C14orf132: variants seen among roughly 807,000 people sequenced by gnomAD.
The protein encoded by C14orf132 is chromosome 14 open reading frame 132.
In C14orf132, 6 loss-of-function variants were observed where a neutral mutation model predicts 5.8. That is an observed-to-expected ratio of 1.03 (90% CI 0.57 to 2.04). C14orf132 has a LOEUF of 2.04. Among genes scored for constraint, C14orf132 ranks in the 30% most tolerant of loss-of-function variants. C14orf132 has a pLI of 0.00. For synonymous variants in C14orf132, 51 were observed against 49.8 expected, an observed-to-expected ratio of 1.02 and a Z score of -0.10; for missense variants, 125 against 115.8, an observed-to-expected ratio of 1.08 and a Z score of -0.37.
At chr14:96,081,665 C>T (rs916902563) in intron 1 of C14orf132, among the ~76,000 whole-genome samples, 1 of 152,192 alleles carries the variant, frequency 6.6e-6, no homozygotes, top group Non-Finnish European at 1.5e-5. Context: ...GTGGTGCCAT[C>T]AGACCTCACT....
In C14orf132 at chr14:96,085,249, C is replaced by T. The variant is rs541062538; in HGVS notation, c.28-1262C>T. ...GCTCCACACAGAATACTGTCTCATGCGGTGCTCGGTAACTGTGCATCCGAT... is the reference window on the plus strand; with the variant it reads ...GCTCCACACAGAATACTGTCTCATGTGGTGCTCGGTAACTGTGCATCCGAT... On this transcript the variant is annotated intron_variant, in intron 1 of 1. Coordinates refer to ENST00000555004, the MANE Select transcript of C14orf132 (RefSeq NM_001252507.3). Among the ~76,000 whole-genome samples the T allele has an allele frequency of 4.6e-5, 7 of 152,346 alleles. No homozygotes were observed. In the South Asian group the frequency reaches 1.2e-3, roughly 27 times the overall value.
rs1595195671 is a variant in C14orf132 at position 96,087,344 on chromosome 14, G to A, written c.*609G>A. 1 of 152,314 alleles carries A rather than the reference G, an allele frequency of 6.6e-6. No individual in the cohort carries two copies. The highest frequency in any genetic ancestry group is 2.4e-5 in the African/African-American group (1 of 41,302). 9.4% of individuals were successfully genotyped at this position (152,314 alleles called of 1,614,324 possible). ...GATGGGGGGTTACTGGTAATAGGTG[G>A]GGTTTCTGGGGGTGTTGTTGGTGGT... On this transcript the variant is annotated 3_prime_UTR_variant, in exon 2 of 2. Transcript: ENST00000555004.
intron 1 of C14orf132, among the ~76,000 whole-genome samples, chr14:96,064,363 T>TACACACACACACAC (rs148402921): frequency 9.6e-5 from 13 of 135,854 alleles, no homozygotes; most frequent in East Asian, 2.1e-4. Flanking sequence ...GGTGCATATA[T>TACACACACACACAC]ACACACACAC....
In C14orf132 at chr14:96,049,593, TATATACGTATATATATAC is replaced by T. The variant is rs1240997527; in HGVS notation, c.27+10072_27+10089del. Reference sequence around the variant, plus strand: ...ATACATATATACGTATATATATACATATATACGTATATATATACATATATACGTATATATATACATATA... The same window carrying T: ...ATACATATATACGTATATATATACATATATATACGTATATATATACATATA... On this transcript the variant is annotated intron_variant, in intron 1 of 1. Transcript: ENST00000555004. Among the ~76,000 whole-genome samples the T allele has an allele frequency of 3.8e-5, 5 of 130,568 alleles. 1 individual carries two copies. Among genetic ancestry groups the T allele is most frequent in the African/African-American group, 1.1e-4 (4 of 35,590 alleles). 85.7% of individuals were successfully genotyped at this position (130,568 alleles called of 152,430 possible).
At chr14:96,043,423 C>T (rs1249427346) in intron 1 of C14orf132, among the ~76,000 whole-genome samples, 4 of 152,198 alleles carry the variant, frequency 2.6e-5, no homozygotes, top group Non-Finnish European at 5.9e-5. Flanking sequence ...TATGGCGTAA[C>T]TCTCCTGTTA....
Position 96,070,025 on chromosome 14 carries a change from G to C in C14orf132, c.28-16486G>C, listed in dbSNP as rs1368278612. ...TGCTTCCACTTAATATTCCACATCG[G>C]AGAGCCCTGCCCCAGGAAGAGGGGC... On this transcript the variant is annotated intron_variant, in intron 1 of 1. Coordinates refer to ENST00000555004, the MANE Select transcript of C14orf132 (RefSeq NM_001252507.3). Among the ~76,000 whole-genome samples, 5 of 152,272 alleles carry C rather than the reference G, an allele frequency of 3.3e-5. No homozygotes were observed. The East Asian group carries it at 9.7e-4, about 29-fold the overall frequency.
chr14:96,049,525 T>C (rs61982722), intron 1 of C14orf132, among the ~76,000 whole-genome samples: 7,058 of 138,396 alleles, frequency 0.051, 344 homozygotes, highest in East Asian at 0.13. Context: ...CGTATATATA[T>C]ACACATATAT....
At chr14:96,086,469 GC>G in intron 1 of C14orf132, 41 bp from the exon 2 acceptor site, 1 of 1,521,342 alleles carries the variant, frequency 6.6e-7, no homozygotes, top group South Asian at 1.2e-5. Context: ...ATCTGCCCAA[GC>G]CCCCATGGCC....
chr14:96,086,638 C>T lies in C14orf132; in HGVS notation c.155C>T (p.Pro52Leu), dbSNP rs770165918. Residue 52 changes from proline to leucine, a missense_variant, in exon 2 of 2, where the codon CCT becomes CTT. By Grantham distance (98) the Pro-to-Leu change is moderately conservative (BLOSUM62 -3). Transcript: ENST00000555004. ...GGCCAGGGCCAGCCGGAAGATCCTC[C>T]TCGGTCCTCCAACGACGCCGTCTTG... ...ANGQGQPEDP[P>L]RSSNDAVLLW... 1 of 1,536,162 alleles carries T rather than the reference C, an allele frequency of 6.5e-7. No homozygotes were observed. Among genetic ancestry groups the T allele is most frequent in the South Asian group, 1.2e-5 (1 of 84,062 alleles).
At chr14:96,076,616 GA>G (rs35206197) in intron 1 of C14orf132, among the ~76,000 whole-genome samples, 83,294 of 150,906 alleles carry the variant, frequency 0.55, 23,432 homozygotes, top group East Asian at 0.9. Context: ...TAGCTGATGA[GA>G]AAAAAAAAAT....
At chr14:96,083,424 C>G (rs1292311520) in intron 1 of C14orf132, among the ~76,000 whole-genome samples, 1 of 152,214 alleles carries the variant, frequency 6.6e-6, no homozygotes, top group Non-Finnish European at 1.5e-5. Context: ...GATGGATTAC[C>G]GTTCATGGCC....
chr14:96,083,260 A>G (rs1272052763), intron 1 of C14orf132, among the ~76,000 whole-genome samples: 5 of 152,156 alleles, frequency 3.3e-5, no homozygotes, highest in Non-Finnish European at 2.9e-5. Context: ...TGAGTAGACC[A>G]TATCCTTGCC....
chr14:96,056,663 C>A (rs1159169716), intron 1 of C14orf132, among the ~76,000 whole-genome samples: 1 of 152,056 alleles, frequency 6.6e-6, no homozygotes, highest in African/African-American at 2.4e-5. Flanking sequence ...GGAAATGGTG[C>A]CTATGATGAC....
chr14:96,054,450 C>T (rs565203161), intron 1 of C14orf132, among the ~76,000 whole-genome samples: 7 of 152,150 alleles, frequency 4.6e-5, no homozygotes, highest in South Asian at 4.1e-4. Context: ...CTTGAGTTCC[C>T]GGCCTGCCTC....
chr14:96,040,493 C>A (rs943121679), intron 1 of C14orf132: 17 of 388,786 alleles, frequency 4.4e-5, no homozygotes, highest in African/African-American at 2.7e-4. Context: ...GTGGCAGGGA[C>A]CCCATCTGCT....
intron 1 of C14orf132, among the ~76,000 whole-genome samples, chr14:96,078,241 C>T (rs903330674): frequency 6.6e-6 from 1 of 152,232 alleles, no homozygotes; most frequent in African/African-American, 2.4e-5. Context: ...GCAACCGTGG[C>T]AACACAGCTC....
rs1354703266 is a variant in C14orf132, at chr14:96,039,454, G to A, written c.-47G>A. 3 of 1,478,834 alleles carry A rather than the reference G, an allele frequency of 2.0e-6. No individual in the cohort carries two copies. The highest frequency in any genetic ancestry group is 2.7e-6 in the Non-Finnish European group (3 of 1,114,942). The allele number at this position is 1,478,834 out of a possible 1,614,324, so 91.6% of individuals were successfully genotyped here. A position where few individuals can be genotyped will look rare whatever the true frequency, so the allele number is the denominator to read the frequency against. ...CAACTGTGCAGGCGGCTGACCCGCAGCGGCAGCGGCAGCAGCGAGGACTCG... is the reference window on the plus strand; with the variant it reads ...CAACTGTGCAGGCGGCTGACCCGCAACGGCAGCGGCAGCAGCGAGGACTCG... On this transcript the variant is annotated 5_prime_UTR_variant, in exon 1 of 2. Transcript: ENST00000555004. This position sits in a 1 kb window ranked among gnomAD's most constrained non-coding sequence, Gnocchi z 5.3.
chr14:96,053,178 A>C (rs745718555), intron 1 of C14orf132, among the ~76,000 whole-genome samples: 22 of 152,164 alleles, frequency 1.4e-4, no homozygotes, highest in Non-Finnish European at 3.2e-4. Flanking sequence ...CTTGCTTTTT[A>C]AAAATGAGTG....
intron 1 of C14orf132, among the ~76,000 whole-genome samples, chr14:96,072,328 G>C (rs1002305711): frequency 6.6e-6 from 1 of 152,150 alleles, no homozygotes; most frequent in African/African-American, 2.4e-5. Context: ...ATGTGGTTTG[G>C]GGTCCAGCCT....
Sources: allele counts gnomAD v4.1 joint callset (sites outside exome capture counted in the v4.1 genomes callset), GRCh38; gene constraint gnomAD v4.1.1; non-coding constraint Gnocchi (gnomAD v3.1); transcripts MANE v1.5; gene names NCBI Gene and HGNC (gene_info 2026-07-23, HGNC 2026-07-21).